NFATC1: variants seen among roughly 807,000 people sequenced by gnomAD.
The protein encoded by NFATC1 is nuclear factor of activated T-cells, cytoplasmic 1.
Under a neutral mutation model 76.0 loss-of-function variants are expected in NFATC1, and 22 were observed. The ratio of observed to expected loss-of-function variants is 0.29; its 90% CI spans 0.21 to 0.41. The LOEUF is 0.41. Ranked by LOEUF, NFATC1 falls within the 10% of genes least tolerant of loss-of-function variation. The pLI, the probability that NFATC1 is intolerant of heterozygous loss-of-function variation, is 1.00. For missense variants in NFATC1, 1,357 were observed against 1,337.7 expected, an observed-to-expected ratio of 1.01 and a Z score of -0.23; for synonymous variants, 704 against 613.1, an observed-to-expected ratio of 1.15 and a Z score of -2.19.
At chr18:79,433,783 G>T (rs765281296) in intron 3 of NFATC1, 45 bp downstream of exon 3, 1 of 1,581,412 alleles carries the variant, frequency 6.3e-7, no homozygotes, top group Non-Finnish European at 8.6e-7. Context: ...TGCTTTTGTG[G>T]TCAAAAAGTA....
intron 9 of NFATC1, among the ~76,000 whole-genome samples, chr18:79,508,122 T>C (rs1318761616): frequency 6.6e-6 from 1 of 152,240 alleles, no homozygotes; most frequent in Non-Finnish European, 1.5e-5. Flanking sequence ...AAAGTGAACT[T>C]CAATTATTTT....
chr18:79,432,304 C>G (rs1479960280), intron 2 of NFATC1, among the ~76,000 whole-genome samples: 2 of 60,298 alleles, frequency 3.3e-5, no homozygotes, highest in African/African-American at 1.4e-4. Context: ...GAGCCCCGGC[C>G]CACGGTGCTC....
intron 3 of NFATC1, among the ~76,000 whole-genome samples, chr18:79,435,852 T>C (rs922168985): frequency 1.3e-5 from 2 of 152,344 alleles, no homozygotes; most frequent in African/African-American, 2.4e-5. Context: ...AGGAGCCCTT[T>C]CCATTGAAAC....
At chr18:79,478,786 G>T (rs1278633945) in intron 8 of NFATC1, among the ~76,000 whole-genome samples, 2 of 152,192 alleles carry the variant, frequency 1.3e-5, no homozygotes, top group Non-Finnish European at 2.9e-5. Flanking sequence ...AGCTCCCAAC[G>T]TCACTGCTAC....
intron 3 of NFATC1, among the ~76,000 whole-genome samples, chr18:79,440,955 C>T (rs1450488061): frequency 6.6e-6 from 1 of 152,204 alleles, no homozygotes; most frequent in Admixed American, 6.5e-5. Flanking sequence ...GTGTGCCCGT[C>T]TGGGCTGGGC....
At chr18:79,419,225 G>C (rs994108410) in intron 2 of NFATC1, among the ~76,000 whole-genome samples, 1 of 152,154 alleles carries the variant, frequency 6.6e-6, no homozygotes, top group Non-Finnish European at 1.5e-5. Context: ...GTCTTGCCGT[G>C]TTGTCCAGGG....
rs533135636 is a variant in NFATC1 at position 79,473,653 on chromosome 18, G to A, written c.2092+6071G>A. ...CGTTGCAAGGGAAGCGTGTTCTCGC[G>A]CTCACTGTCGACGTTGTAAACCTGA... On this transcript the variant is annotated intron_variant, in intron 8 of 9. Coordinates refer to ENST00000427363, the MANE Select transcript of NFATC1 (RefSeq NM_001278669.2). 1.2e-4 allele frequency among the ~76,000 whole-genome samples: 14 copies of A among 112,716 alleles called. 1 individual carries two copies. Among genetic ancestry groups the A allele is most frequent in the East Asian group, 6.8e-4 (3 of 4,384 alleles). 73.9% of individuals were successfully genotyped at this position (112,716 alleles called of 152,430 possible).
chr18:79,439,771 T>C (rs2086906437), intron 3 of NFATC1, among the ~76,000 whole-genome samples: 1 of 152,140 alleles, frequency 6.6e-6, no homozygotes, highest in Non-Finnish European at 1.5e-5. Context: ...ATTCACCATT[T>C]ATTTCTCCCC....
intron 9 of NFATC1, among the ~76,000 whole-genome samples, chr18:79,502,123 A>G (rs1162599489): frequency 1.3e-5 from 2 of 152,248 alleles, no homozygotes; most frequent in East Asian, 3.8e-4. Context: ...TGAAGCTATA[A>G]TAATCAAGAC....
intron 8 of NFATC1, among the ~76,000 whole-genome samples, chr18:79,482,268 G>A (rs2089304646): frequency 1.4e-5 from 2 of 139,562 alleles, no homozygotes; most frequent in South Asian, 2.4e-4. Context: ...TTCCTGGGGT[G>A]TAATTCCAGT....
chr18:79,399,989 A>C (rs1254936866), intron 1 of NFATC1, among the ~76,000 whole-genome samples: 1 of 151,954 alleles, frequency 6.6e-6, no homozygotes, highest in African/African-American at 2.4e-5. Flanking sequence ...ACTTAAAAAA[A>C]AAATTCCGTC....
At chr18:79,401,979 G>A (rs2085277086) in intron 1 of NFATC1, among the ~76,000 whole-genome samples, 2 of 152,316 alleles carry the variant, frequency 1.3e-5, no homozygotes, top group Admixed American at 1.3e-4. Context: ...AAGAAGCACA[G>A]GGGGTAGTTA....
chr18:79,448,212 G>C (rs2087298253), intron 3 of NFATC1: 1 of 157,408 alleles, frequency 6.4e-6, no homozygotes, highest in Admixed American at 6.0e-5. Flanking sequence ...CTGGACACTA[G>C]CTGCTCAGCC....
Position 79,451,217 on chromosome 18 carries a change from A to G in NFATC1, c.1762+91A>G, listed in dbSNP as rs2087458599. ...CCCGCTCTCAGCTTTTCGTTCGTGT[A>G]GACTTGGGACTGAACGGTTCCCACC... is the stretch of plus-strand genomic sequence containing the variant. On this transcript the variant is annotated intron_variant, in intron 5 of 9. Coordinates refer to ENST00000427363, the MANE Select transcript of NFATC1 (RefSeq NM_001278669.2). The G allele has an allele frequency of 4.1e-6, 6 of 1,463,052 alleles. No homozygotes were observed. The East Asian group carries it at 1.1e-4, about 28-fold the overall frequency. The allele number at this position is 1,463,052 out of a possible 1,614,324, so 90.6% of individuals were successfully genotyped here. A position where few individuals can be genotyped will look rare whatever the true frequency, so the allele number is the denominator to read the frequency against.
At chr18:79,457,920 G>T (rs532877607) in intron 6 of NFATC1, among the ~76,000 whole-genome samples, 11 of 152,318 alleles carry the variant, frequency 7.2e-5, no homozygotes, top group African/African-American at 2.6e-4. Flanking sequence ...GGCACAGGTC[G>T]GGACGTGGGG....
chr18:79,519,011 C>T (rs2090450765), intron 9 of NFATC1, among the ~76,000 whole-genome samples: 1 of 152,210 alleles, frequency 6.6e-6, no homozygotes, highest in Non-Finnish European at 1.5e-5. Context: ...CAGGATGTGT[C>T]CTGAGCCCTG....
Position 79,410,169 on chromosome 18 carries a change from G to A in NFATC1, c.128-234G>A. 1 of 763,392 alleles carries A rather than the reference G, an allele frequency of 1.3e-6. No homozygotes were observed. The highest frequency in any genetic ancestry group is 2.4e-6 in the Non-Finnish European group (1 of 422,936). The allele number at this position is 763,392 out of a possible 1,614,324, so 47.3% of individuals were successfully genotyped here. A position where few individuals can be genotyped will look rare whatever the true frequency, so the allele number is the denominator to read the frequency against. ...GGCTTGTGCTGCTGTTAGGGGAGGA[G>A]GGGAGGTGGGCAGTGAGGGGCTCAC... is the stretch of plus-strand genomic sequence containing the variant. On this transcript the variant is annotated intron_variant, in intron 1 of 9. Coordinates refer to ENST00000427363, the MANE Select transcript of NFATC1 (RefSeq NM_001278669.2). This position sits in a 1 kb window ranked among gnomAD's most constrained non-coding sequence, Gnocchi z 6.7.
chr18:79,495,344 G>C (rs1298090108), intron 9 of NFATC1, among the ~76,000 whole-genome samples: 1 of 152,232 alleles, frequency 6.6e-6, no homozygotes, highest in Non-Finnish European at 1.5e-5. Flanking sequence ...TGTGGACACA[G>C]AATATTTTGA....
rs146526269 is a variant in NFATC1, at chr18:79,473,424, A to G, written c.2092+5842A>G. Among the ~76,000 whole-genome samples, 633 of 148,958 alleles carry G rather than the reference A, an allele frequency of 4.2e-3. 5 individuals are homozygous for G. The highest frequency in any genetic ancestry group is 0.015 in the African/African-American group (591 of 40,488). The stretch of plus-strand genomic sequence containing the variant: ...GCGTGTTCTCATGCTCACTGTCAAC[A>G]TTGTAAACCTGAGGGAAGCGTGTTC... On this transcript the variant is annotated intron_variant, in intron 8 of 9. Coordinates refer to ENST00000427363, the MANE Select transcript of NFATC1 (RefSeq NM_001278669.2).
Sources: gnomAD v4.1 joint callset for allele counts (sites outside exome capture counted in the v4.1 genomes callset) on GRCh38, gnomAD v4.1.1 for gene constraint, Gnocchi (gnomAD v3.1) non-coding constraint, MANE v1.5 for transcripts, NCBI Gene and HGNC (gene_info 2026-07-23, HGNC 2026-07-21) for gene names.